PCNX4: variants seen among roughly 807,000 people sequenced by gnomAD.
PCNX4 encodes the protein pecanex 4.
Under a neutral mutation model 107.2 loss-of-function variants are expected in PCNX4, and 103 were observed. The ratio of observed to expected loss-of-function variants is 0.96; its 90% confidence interval spans 0.82 to 1.13. The LOEUF is 1.13. Ranked by LOEUF, PCNX4 falls within the 50% of genes most tolerant of loss-of-function variation. The pLI, the probability that PCNX4 is intolerant of heterozygous loss-of-function variation, is 0.00. For missense variants in PCNX4, 1,528 were observed against 1,379.4 expected, an observed-to-expected ratio of 1.11 and a Z score of -1.71; for synonymous variants, 541 against 481.7, an observed-to-expected ratio of 1.12 and a Z score of -1.61.
Position 60,116,076 on chromosome 14 carries a change from A to G in PCNX4, c.1578+16A>G, listed in dbSNP as rs1476353390. 1.9e-6 allele frequency: 3 copies of G among 1,579,988 alleles called. No homozygotes were observed. Among genetic ancestry groups the G allele is most frequent in the Non-Finnish European group, 2.6e-6 (3 of 1,162,890 alleles). The stretch of plus-strand genomic sequence containing the variant: ...ACTCTTACTGGTAAGTGTGTCTTTT[A>G]ACAGCTTTACTGAAATATATTTTAC... On this transcript the variant is annotated intron_variant, in intron 6 of 10. Coordinates refer to ENST00000406854, the MANE Select transcript of PCNX4 (RefSeq NM_001330177.2).
rs1409787352 is a variant in PCNX4, at chr14:60,121,260, T to A, written c.2007T>A (p.Ile669=). ...AGGATCGTTTAATGTGGATAATGAT[T>A]CTGGAATGTGGCTATACTTACTGCT... The part of the protein sequence containing the change: ...RFQDRLMWIM[I]LECGYTYCSI... The change falls in exon 8 of 11, where the codon ATT becomes ATA. Residue 669 remains isoleucine (I), a synonymous_variant. Transcript: ENST00000406854. 1 of 1,612,300 alleles carries A rather than the reference T, an allele frequency of 6.2e-7. No homozygotes were observed. Among genetic ancestry groups the A allele is most frequent in the Non-Finnish European group, 8.5e-7 (1 of 1,178,954 alleles).
At position 60,115,294 on chromosome 14, in the gene PCNX4, T is replaced by C. The variant is rs1047134358; in HGVS notation, c.1190T>C (p.Ile397Thr). ...SQAIVGYGLM[I>T]LLIILWILRE... is the part of the protein sequence containing the mutation. ...GCTATTGTGGGCTATGGTTTGATGA[T>C]ATTACTTATAATACTGTGGATACTT... Residue 397 changes from isoleucine (I) to threonine (T), a missense_variant, in exon 4 of 11, where the codon ATA becomes ACA. Ile to Thr is a moderately conservative substitution (Grantham distance 89, BLOSUM62 -1). Coordinates refer to ENST00000406854, the MANE Select transcript of PCNX4 (RefSeq NM_001330177.2). 1.2e-6 allele frequency: 2 copies of C among 1,609,528 alleles called. No homozygotes were observed. Among genetic ancestry groups the C allele is most frequent in the Admixed American group, 3.3e-5 (2 of 59,722 alleles).
intron 1 of PCNX4, among the ~76,000 whole-genome samples, chr14:60,096,567 C>G (rs1895428960): frequency 2.0e-5 from 3 of 152,244 alleles, no homozygotes; most frequent in Admixed American, 1.3e-4. Context: ...CCTAACCACT[C>G]TGGAGGTAAC....
intron 10 of PCNX4, among the ~76,000 whole-genome samples, chr14:60,132,342 A>G (rs535854277): frequency 1.1e-4 from 17 of 152,338 alleles, no homozygotes; most frequent in African/African-American, 3.4e-4. Flanking sequence ...TCATCTCTAA[A>G]TCTTTAATTA....
chr14:60,127,602 C>T (rs2140564882), intron 10 of PCNX4, among the ~76,000 whole-genome samples: 1 of 152,278 alleles, frequency 6.6e-6, no homozygotes, highest in Non-Finnish European at 1.5e-5. Context: ...GCCAGCCAAT[C>T]ACTAAACAAA....
At chr14:60,093,453 AC>A (rs1322718586) in intron 1 of PCNX4, among the ~76,000 whole-genome samples, 2 of 152,210 alleles carry the variant, frequency 1.3e-5, no homozygotes, top group African/African-American at 4.8e-5. Context: ...ACGGGAAAAT[AC>A]AATATGTGGC....
At position 60,125,636 on chromosome 14, in the gene PCNX4, G is replaced by T; in HGVS notation, c.3081-1G>T. The T allele has an allele frequency of 6.8e-7, 1 of 1,474,668 alleles. No homozygotes were observed. The highest frequency in any genetic ancestry group is 9.0e-7 in the Non-Finnish European group (1 of 1,111,580). The allele number at this position is 1,474,668 out of a possible 1,614,324, so 91.3% of individuals were successfully genotyped here. ...ATTCTTCGGTTCTCCATTTTTTTTAGGTATACTCTGAAACTAATGATTGAT... is the reference window on the plus strand; with the variant it reads ...ATTCTTCGGTTCTCCATTTTTTTTATGTATACTCTGAAACTAATGATTGAT... On this transcript the variant is annotated splice_acceptor_variant, in intron 9 of 10. Coordinates refer to ENST00000406854, the MANE Select transcript of PCNX4 (RefSeq NM_001330177.2). LOFTEE classifies it high-confidence loss of function.
intron 2 of PCNX4, 163 bp downstream of exon 2, chr14:60,108,490 G>A: frequency 1.8e-6 from 1 of 540,716 alleles, no homozygotes; most frequent in Non-Finnish European, 3.2e-6. Flanking sequence ...ATTAATCTCT[G>A]TAAAACATAC....
chr14:60,119,613 C>G (rs1433990056), intron 7 of PCNX4, among the ~76,000 whole-genome samples: 3 of 137,436 alleles, frequency 2.2e-5, no homozygotes, highest in Non-Finnish European at 3.0e-5. Flanking sequence ...ATAGTCTATA[C>G]TTACAATACT....
chr14:60,125,323 G>A, intron 9 of PCNX4, 72 bp downstream of exon 9: 2 of 1,344,518 alleles, frequency 1.5e-6, no homozygotes, highest in Non-Finnish European at 2.0e-6. Context: ...TCACGTACAA[G>A]AAGACAGTTA....
intron 1 of PCNX4, among the ~76,000 whole-genome samples, chr14:60,095,817 G>A (rs1200913762): frequency 6.6e-6 from 1 of 150,570 alleles, no homozygotes; most frequent in Admixed American, 6.6e-5. Flanking sequence ...GAAGAGGAAA[G>A]AAGTAAAAAA....
In PCNX4 at chr14:60,125,127, G is replaced by A; in HGVS notation, c.2956G>A (p.Asp986Asn). The change falls in exon 9 of 11, where the codon GAC becomes AAC. Residue 986 changes from aspartate (D) to asparagine (N), a missense_variant. Asp to Asn is a conservative substitution (Grantham distance 23). Coordinates refer to ENST00000406854, the MANE Select transcript of PCNX4 (RefSeq NM_001330177.2). ...TTGTTATTTTAGTTTATTTGGAATA[G>A]ACAATATGGCTCCTAGTCCTGGTCA... The part of the protein sequence containing the change: ...MTCYFSLFGI[D>N]NMAPSPGHIL... 1 of 1,612,890 alleles carries A rather than the reference G, an allele frequency of 6.2e-7. No homozygotes were observed. The highest frequency in any genetic ancestry group is 1.1e-5 in the South Asian group (1 of 90,986).
chr14:60,145,836 A>G lies in PCNX4; in HGVS notation c.*11615A>G, dbSNP rs1896391709. On this transcript the variant is annotated 3_prime_UTR_variant, in exon 11 of 11. Transcript: ENST00000406854. This position sits in a 1 kb window ranked among gnomAD's most constrained non-coding sequence, Gnocchi z 4.0. ...GCACTAAGAAAGACAAAATAATAAT[A>G]ATGATAATACAAAATTCAGTGTAGC... The G allele has an allele frequency of 6.6e-6, 1 of 152,080 alleles. No homozygotes were observed. Among genetic ancestry groups the G allele is most frequent in the African/African-American group, 2.4e-5 (1 of 41,442 alleles). 9.4% of individuals were successfully genotyped at this position (152,080 alleles called of 1,614,324 possible).
At chr14:60,112,828 A>G (rs1213192413) in intron 2 of PCNX4, among the ~76,000 whole-genome samples, 1 of 152,202 alleles carries the variant, frequency 6.6e-6, no homozygotes, top group African/African-American at 2.4e-5. Context: ...TTTTATTTTA[A>G]CAAAGTATTG....
At chr14:60,106,915 A>C (rs761870452) in intron 1 of PCNX4, among the ~76,000 whole-genome samples, 1 of 152,194 alleles carries the variant, frequency 6.6e-6, no homozygotes, top group Non-Finnish European at 1.5e-5. Flanking sequence ...AAGATAACCT[A>C]TATTATTTTA....
Position 60,125,258 on chromosome 14 carries a change from C to T in PCNX4, c.3080+7C>T, listed in dbSNP as rs1896033272. ...TAGCACTGAAAGCATTCAGGTAATC[C>T]ATTTTGATCATATGTAAGTTATAAC... is the stretch of plus-strand genomic sequence containing the variant. On this transcript the variant is annotated splice_region_variant and intron_variant, in intron 9 of 10. Transcript: ENST00000406854. The T allele has an allele frequency of 2.6e-6, 4 of 1,528,310 alleles. No homozygotes were observed. Among genetic ancestry groups the T allele is most frequent in the Admixed American group, 4.6e-5 (2 of 43,682 alleles). The allele number at this position is 1,528,310 out of a possible 1,614,324, so 94.7% of individuals were successfully genotyped here. A position where few individuals can be genotyped will look rare whatever the true frequency, so the allele number is the denominator to read the frequency against.
intron 1 of PCNX4, among the ~76,000 whole-genome samples, chr14:60,095,273 G>A (rs1358831080): frequency 1.3e-5 from 2 of 152,128 alleles, no homozygotes; most frequent in East Asian, 3.9e-4. Flanking sequence ...GACATAAAAG[G>A]GGCAGAGGAA....
chr14:60,113,040 G>A (rs1181938987), intron 2 of PCNX4, among the ~76,000 whole-genome samples: 1 of 152,104 alleles, frequency 6.6e-6, no homozygotes, highest in East Asian at 1.9e-4. Flanking sequence ...AAATTAGCTG[G>A]GCGTGGTGGC....
At chr14:60,114,540 A>G (rs1397783945) in intron 2 of PCNX4, among the ~76,000 whole-genome samples, 160 bp from the exon 3 acceptor site, 1 of 151,726 alleles carries the variant, frequency 6.6e-6, no homozygotes, top group Non-Finnish European at 1.5e-5. Context: ...ATTTGTATGT[A>G]TTGATCATTT....
Sources: allele counts gnomAD v4.1 joint callset (sites outside exome capture counted in the v4.1 genomes callset), GRCh38; gene constraint gnomAD v4.1.1; non-coding constraint Gnocchi (gnomAD v3.1); transcripts MANE v1.5; gene names NCBI Gene and HGNC (gene_info 2026-07-23, HGNC 2026-07-21).